The following GRB10 variants were observed in gnomAD, a reference collection of about 807,000 sequenced individuals.
The protein encoded by GRB10 is growth factor receptor-bound protein 10.
GRB10 carries 20 observed loss-of-function variants against 80.9 expected under a neutral mutation model. That is an observed-to-expected ratio of 0.25 (90% CI 0.17 to 0.36). GRB10 has a LOEUF of 0.36. Among genes scored for constraint, GRB10 ranks in the 10% least tolerant of loss-of-function variants. The pLI is 1.00. For missense variants in GRB10, 548 were observed against 747.7 expected (o/e 0.73, Z 3.12); for synonymous variants, 291 against 291.5 (o/e 1.00, Z 0.02).
At chr7:50,711,857 C>T (rs1003193887) in intron 4 of GRB10, among the ~76,000 whole-genome samples, 2 of 152,310 alleles carry the variant, frequency 1.3e-5, no homozygotes, top group Admixed American at 1.3e-4. Context: ...AGACAGTTTA[C>T]ACACATTCCC....
At chr7:50,628,034 C>T (rs758148391) in intron 7 of GRB10, among the ~76,000 whole-genome samples, 26 of 152,186 alleles carry the variant, frequency 1.7e-4, no homozygotes, top group Admixed American at 3.3e-4. Flanking sequence ...CACTCCCATA[C>T]GACAAGACCC....
intron 17 of GRB10, among the ~76,000 whole-genome samples, chr7:50,596,729 GTAAC>G (rs141738792): frequency 0.082 from 12,512 of 152,214 alleles, 769 homozygotes; most frequent in South Asian, 0.14. Flanking sequence ...AGAAAAAACA[GTAAC>G]TAAGAACAAA....
At chr7:50,636,436 C>T (rs528778234) in intron 7 of GRB10, among the ~76,000 whole-genome samples, 1 of 152,160 alleles carries the variant, frequency 6.6e-6, no homozygotes, top group Non-Finnish European at 1.5e-5. Context: ...AGTAAGGATA[C>T]TGCAGGCCAA....
rs772708204 is a variant in GRB10, at chr7:50,669,762, G to A, written c.464C>T (p.Thr155Met). Residue 155 changes from threonine to methionine, a missense_variant, in exon 7 of 19, where the codon ACG (threonine) becomes ATG (methionine). Physicochemically the swap from Thr to Met is moderately conservative, Grantham distance 81. Transcript: ENST00000401949. ...CTGGCTCGGAGGTAAAGAACCCGGC[G>A]TGAGCACAGGGGGGCTCCCAGGGCC... Reference protein sequence around the residue: ...LCGPGSPPVLTPGSLPPSQAA... With the variant: ...LCGPGSPPVLMPGSLPPSQAA... 2.0e-5 allele frequency: 33 copies of A among 1,613,728 alleles called. No individual in the cohort carries two copies. Among genetic ancestry groups the A allele is most frequent in the Admixed American group, 5.0e-5 (3 of 60,000 alleles).
chr7:50,685,717 A>G (rs1181399111), intron 5 of GRB10, among the ~76,000 whole-genome samples: 1 of 152,182 alleles, frequency 6.6e-6, no homozygotes, highest in Admixed American at 6.5e-5. Context: ...GTTTACAGAC[A>G]AGACAGTCAA....
At chr7:50,615,221 T>C (rs2050373676) in intron 11 of GRB10, among the ~76,000 whole-genome samples, 1 of 152,182 alleles carries the variant, frequency 6.6e-6, no homozygotes, top group South Asian at 2.1e-4. Flanking sequence ...ACAGGGCCTG[T>C]CTGCCTTTGG....
chr7:50,685,268 C>T (rs968630096), intron 5 of GRB10, among the ~76,000 whole-genome samples: 1 of 152,148 alleles, frequency 6.6e-6, no homozygotes, highest in African/African-American at 2.4e-5. Context: ...GATGCAGTGA[C>T]GTCTTAAGCA....
At chr7:50,675,187 T>C (rs1334321270) in intron 5 of GRB10, among the ~76,000 whole-genome samples, 1 of 152,212 alleles carries the variant, frequency 6.6e-6, no homozygotes, top group East Asian at 1.9e-4. Flanking sequence ...GGTTTGTGTG[T>C]GGCTGCTACT....
At chr7:50,729,114 C>T (rs201080220) in intron 4 of GRB10, among the ~76,000 whole-genome samples, 4 of 152,176 alleles carry the variant, frequency 2.6e-5, no homozygotes, top group Admixed American at 2.0e-4. Flanking sequence ...GGCTGGACAG[C>T]GTGTATGTGC....
At chr7:50,678,351 A>G (rs2061173508) in intron 5 of GRB10, among the ~76,000 whole-genome samples, 1 of 152,242 alleles carries the variant, frequency 6.6e-6, no homozygotes, top group African/African-American at 2.4e-5. Context: ...AGCCAGGTCA[A>G]TCTGGTAACT....
At chr7:50,702,182 T>C (rs923104694) in intron 5 of GRB10, among the ~76,000 whole-genome samples, 2 of 152,234 alleles carry the variant, frequency 1.3e-5, no homozygotes, top group Non-Finnish European at 2.9e-5. Context: ...ATCCACTCTG[T>C]CTGGCTGCCT....
intron 7 of GRB10, among the ~76,000 whole-genome samples, chr7:50,663,867 C>T (rs137916339): frequency 1.5e-4 from 23 of 152,336 alleles, no homozygotes; most frequent in Admixed American, 8.5e-4. Context: ...GGAGTCACCT[C>T]GCAGGATGCC....
intron 7 of GRB10, among the ~76,000 whole-genome samples, chr7:50,649,752 A>T (rs2057756697): frequency 6.6e-6 from 1 of 152,086 alleles, no homozygotes; most frequent in Non-Finnish European, 1.5e-5. Context: ...CACATTGGAG[A>T]GGGAGAGTTG....
At chr7:50,779,043 G>A (rs2078001220) in intron 2 of GRB10, 2 of 152,192 alleles carry the variant, frequency 1.3e-5, no homozygotes, top group Admixed American at 6.5e-5. Flanking sequence ...ATTTAAGAAT[G>A]TCATTTACAA....
chr7:50,641,279 TG>T lies in GRB10; in HGVS notation c.505-14302del, dbSNP rs1231282530. Among the ~76,000 whole-genome samples the T allele has an allele frequency of 1.7e-4, 26 of 150,514 alleles. No homozygotes were observed. In the East Asian group the frequency reaches 4.1e-3, roughly 24 times the overall value. ...TGAATTTTATACTCATCAAAAAAGG[TG>T]GGGGGGTAGCCTTCATTCAAACCTA... On this transcript the variant is annotated intron_variant, in intron 7 of 18. Transcript: ENST00000401949.
At chr7:50,618,385 T>C (rs952849618) in intron 9 of GRB10, among the ~76,000 whole-genome samples, 1 of 152,224 alleles carries the variant, frequency 6.6e-6, no homozygotes, top group Admixed American at 6.5e-5. Flanking sequence ...AAGGGATTCA[T>C]GTCTCACAGC....
chr7:50,736,993 A>G (rs2070907317), intron 3 of GRB10, among the ~76,000 whole-genome samples: 1 of 152,260 alleles, frequency 6.6e-6, no homozygotes, highest in Non-Finnish European at 1.5e-5. Flanking sequence ...ATGATTTCTC[A>G]GATATGACAC....
chr7:50,647,263 G>C (rs2057334412), intron 7 of GRB10, among the ~76,000 whole-genome samples: 2 of 152,234 alleles, frequency 1.3e-5, no homozygotes, highest in South Asian at 2.1e-4. Flanking sequence ...AGAATTACAA[G>C]AGGGATTTCC....
chr7:50,636,690 A>G (rs1333308841), intron 7 of GRB10, among the ~76,000 whole-genome samples: 1 of 152,146 alleles, frequency 6.6e-6, no homozygotes, highest in Non-Finnish European at 1.5e-5. Context: ...CCCCTTCATG[A>G]AAAAAACCCT....
Sources: allele counts gnomAD v4.1 joint callset (sites outside exome capture counted in the v4.1 genomes callset), GRCh38; gene constraint gnomAD v4.1.1; transcripts MANE v1.5; gene names NCBI Gene and HGNC (gene_info 2026-07-23, HGNC 2026-07-21).